The following RDM1 variants were observed in gnomAD, a reference collection of about 807,000 sequenced individuals.
RDM1 encodes the protein RAD52 motif-containing protein 1.
A neutral mutation model predicts 27.7 loss-of-function variants in RDM1; 28 were observed. That is an observed-to-expected ratio of 1.01 (90% CI 0.75 to 1.39). The LOEUF is 1.39. Among genes scored for constraint, RDM1 ranks in the 40% most tolerant of loss-of-function variants. The probability of loss-of-function intolerance (pLI) is 0.00; values close to 1 mark genes in which losing one functional copy is unlikely to be tolerated. For missense variants in RDM1, 277 were observed against 337.3 expected, an observed-to-expected ratio of 0.82 and a Z score of 1.40; for synonymous variants, 124 against 127.5, an observed-to-expected ratio of 0.97 and a Z score of 0.19.
At chr17:35,923,101 G>A (rs1309272362) in intron 4 of RDM1, among the ~76,000 whole-genome samples, 5 of 151,924 alleles carry the variant, frequency 3.3e-5, no homozygotes, top group Admixed American at 6.6e-5. Context: ...GAGGCCAGGG[G>A]CTCAAGAACA....
chr17:35,918,407 C>T lies in RDM1; in HGVS notation c.790G>A (p.Glu264Lys), dbSNP rs2088818618. Reference sequence around the variant, plus strand: ...CTGAAATCCGAGAGATACCCTTCCTCCTCTTGGCCATACTGCTTCCAGGGA... The same window carrying T: ...CTGAAATCCGAGAGATACCCTTCCTTCTCTTGGCCATACTGCTTCCAGGGA... ...CSPWKQYGQE[E>K]EGYLSDFSLE... Residue 264 changes from glutamate (E) to lysine (K), a missense_variant, in exon 7 of 7, where the codon GAG (glutamate) becomes AAG (lysine). Coordinates refer to ENST00000620284, the MANE Select transcript of RDM1 (RefSeq NM_145654.4). 2 of 1,614,062 alleles carry T rather than the reference C, an allele frequency of 1.2e-6. No individual in the cohort carries two copies. The highest frequency in any genetic ancestry group is 2.2e-5 in the South Asian group (2 of 91,090).
In RDM1 at chr17:35,930,165, C is replaced by A; in HGVS notation, c.187G>T (p.Ala63Ser). The change falls in exon 2 of 7, where the codon GCC (alanine) becomes TCC (serine). Residue 63 changes from alanine to serine, a missense_variant. Ala to Ser is a moderately conservative substitution (Grantham distance 99). Coordinates refer to ENST00000620284, the MANE Select transcript of RDM1 (RefSeq NM_145654.4). ...NAAVAHPGFYAVIKFYSARAA... is the reference protein window; with the variant it reads ...NAAVAHPGFYSVIKFYSARAA... ...CTTGCAGAATAAAACTTAATGACGG[C>A]ATAGAAACCAGGATGGGCCACTGCA... The A allele has an allele frequency of 6.2e-7, 1 of 1,614,130 alleles. No homozygotes were observed. Among genetic ancestry groups the A allele is most frequent in the Non-Finnish European group, 8.5e-7 (1 of 1,180,020 alleles).
chr17:35,921,522 G>A (rs1638806100), intron 5 of RDM1, among the ~76,000 whole-genome samples: 1 of 152,182 alleles, frequency 6.6e-6, no homozygotes, highest in South Asian at 2.1e-4. Flanking sequence ...GGGAATACAA[G>A]CAATAGGGAA....
intron 2 of RDM1, among the ~76,000 whole-genome samples, chr17:35,929,508 C>G (rs1426637973): frequency 6.6e-6 from 1 of 152,092 alleles, no homozygotes; most frequent in Non-Finnish European, 1.5e-5. Flanking sequence ...GTGGCACAAT[C>G]TCGGGTCACT....
At position 35,924,026 on chromosome 17, in the gene RDM1, C is replaced by A. The variant is rs150400365; in HGVS notation, c.568+578G>T. Among the ~76,000 whole-genome samples the A allele has an allele frequency of 2.8e-3, 426 of 151,954 alleles. 1 individual carries two copies. Among genetic ancestry groups the A allele is most frequent in the African/African-American group, 9.7e-3 (401 of 41,422 alleles). Reference sequence around the variant, plus strand: ...GCCAGGAGTTGGAGACCAGGTGGGACAACACAGAAAGACCCCATCTCTAAA... The same window carrying A: ...GCCAGGAGTTGGAGACCAGGTGGGAAAACACAGAAAGACCCCATCTCTAAA... On this transcript the variant is annotated intron_variant, in intron 4 of 6. Coordinates refer to ENST00000620284, the MANE Select transcript of RDM1 (RefSeq NM_145654.4).
intron 2 of RDM1, among the ~76,000 whole-genome samples, chr17:35,929,852 T>C (rs1229787475): frequency 6.6e-6 from 1 of 152,242 alleles, no homozygotes; most frequent in Non-Finnish European, 1.5e-5. Context: ...CAGTAGGTTT[T>C]AGTTCAATCT....
At chr17:35,928,233 A>G (rs1427133794) in intron 2 of RDM1, among the ~76,000 whole-genome samples, 2 of 152,256 alleles carry the variant, frequency 1.3e-5, no homozygotes, top group Non-Finnish European at 2.9e-5. Context: ...ACAATGAGAT[A>G]TCATTCTGTG....
At chr17:35,929,440 TTTTC>T (rs1344970957) in intron 2 of RDM1, among the ~76,000 whole-genome samples, 2 of 151,960 alleles carry the variant, frequency 1.3e-5, no homozygotes, top group South Asian at 2.1e-4. Flanking sequence ...AATTTTTTAT[TTTTC>T]TTTCTTTCTT....
intron 2 of RDM1, among the ~76,000 whole-genome samples, chr17:35,927,115 CAAA>C (rs955692533): frequency 0.15 from 11,471 of 75,208 alleles, 440 homozygotes; most frequent in East Asian, 0.26. Flanking sequence ...TTCATTTCAC[CAAA>C]AAAAAAAAAA....
chr17:35,920,852 A>C (rs1448962576), intron 5 of RDM1, among the ~76,000 whole-genome samples: 2 of 152,230 alleles, frequency 1.3e-5, no homozygotes, highest in South Asian at 2.1e-4. Flanking sequence ...TAACATAAGA[A>C]ATAAAAAATG....
Position 35,930,469 on chromosome 17 carries a change from A to AAT in RDM1, c.96+162_96+163insAT, listed in dbSNP as rs1320249946. The AAT allele has an allele frequency of 3.4e-6, 3 of 887,042 alleles. No homozygotes were observed. In the African/African-American group the frequency reaches 5.1e-5, roughly 15 times the overall value. The allele number at this position is 887,042 out of a possible 1,614,324, so 54.9% of individuals were successfully genotyped here. On this transcript the variant is annotated intron_variant, in intron 1 of 6. Transcript: ENST00000620284. The stretch of plus-strand genomic sequence containing the variant: ...GAGAGATACCTCTCCGGGACTCTAA[A>AAT]AATCTGTTGGGGGTCGTCAGTTGTC...
chr17:35,920,516 A>G (rs2088905974), intron 5 of RDM1, among the ~76,000 whole-genome samples: 1 of 148,228 alleles, frequency 6.7e-6, no homozygotes, highest in African/African-American at 2.5e-5. Flanking sequence ...CTGGAGTACA[A>G]TGGCACTGTC....
rs1251825430 is a variant in RDM1 at position 35,924,753 on chromosome 17, A to G, written c.419T>C (p.Leu140Pro). 6 of 1,614,084 alleles carry G rather than the reference A, an allele frequency of 3.7e-6. No individual in the cohort carries two copies. Among genetic ancestry groups the G allele is most frequent in the Non-Finnish European group, 5.1e-6 (6 of 1,179,952 alleles). Residue 140 changes from leucine to proline, a missense_variant, in exon 4 of 7, where the codon CTT (leucine) becomes CCT (proline). Physicochemically the swap from Leu to Pro is moderately conservative, Grantham distance 98 (BLOSUM62 -3). Coordinates refer to ENST00000620284, the MANE Select transcript of RDM1 (RefSeq NM_145654.4). The stretch of plus-strand genomic sequence containing the variant: ...GCTATCTTCATTTTCCCTTTCTTCA[A>G]GGTCAGAAAGCTCCTGAAGCTGTAA... ...RIIKLQELSD[L>P]EERENEDSMV...
At chr17:35,930,325 T>C (rs971088303) in intron 1 of RDM1, 70 bp from the exon 2 acceptor site, 11 of 1,592,954 alleles carry the variant, frequency 6.9e-6, no homozygotes, top group Non-Finnish European at 7.7e-6. Context: ...TGCCCTCATA[T>C]TCCCCAAACC....
chr17:35,920,198 C>A lies in RDM1; in HGVS notation c.742G>T (p.Gly248Cys). 1 of 1,565,656 alleles carries A rather than the reference C, an allele frequency of 6.4e-7. No individual in the cohort carries two copies. The highest frequency in any genetic ancestry group is 1.7e-4 in the Middle Eastern group (1 of 5,980). Reference sequence around the variant, plus strand: ...TTATCTTCACATACTTGAATTAAACCGTGTAGTTCTTCTTCGCATCTGACA... The same window carrying A: ...TTATCTTCACATACTTGAATTAAACAGTGTAGTTCTTCTTCGCATCTGACA... ...VGVRCEEELH[G>C]LIQVPCSPWK... Residue 248 changes from glycine (G) to cysteine (C), a missense_variant, in exon 6 of 7, where the codon GGT (glycine) becomes TGT (cysteine). Transcript: ENST00000620284.
intron 3 of RDM1, among the ~76,000 whole-genome samples, chr17:35,925,020 G>A (rs1306300237): frequency 6.6e-6 from 1 of 152,070 alleles, no homozygotes; most frequent in Non-Finnish European, 1.5e-5. Flanking sequence ...TGTAGTCCCA[G>A]CTACTTGGGA....
intron 6 of RDM1, among the ~76,000 whole-genome samples, chr17:35,919,408 A>G (rs1276454922): frequency 1.3e-5 from 2 of 152,210 alleles, no homozygotes; most frequent in African/African-American, 4.8e-5. Context: ...ACATCATAGC[A>G]TATACTTCCA....
At chr17:35,919,373 A>G (rs1011430411) in intron 6 of RDM1, among the ~76,000 whole-genome samples, 2 of 151,728 alleles carry the variant, frequency 1.3e-5, no homozygotes, top group African/African-American at 4.8e-5. Flanking sequence ...GAAATATGTC[A>G]TTAGGTGATT....
intron 4 of RDM1, among the ~76,000 whole-genome samples, chr17:35,923,331 C>T (rs948782625): frequency 1.8e-4 from 21 of 119,324 alleles, no homozygotes; most frequent in African/African-American, 5.4e-4. Flanking sequence ...GCCTGGGCGA[C>T]AGAGTGAGAT....
Sources: allele counts gnomAD v4.1 joint callset (sites outside exome capture counted in the v4.1 genomes callset), GRCh38; gene constraint gnomAD v4.1.1; transcripts MANE v1.5; gene names NCBI Gene and HGNC (gene_info 2026-07-23, HGNC 2026-07-21).